GPC5: variants seen among roughly 807,000 people sequenced by gnomAD.
The protein encoded by GPC5 is glypican 5.
A neutral mutation model predicts 53.9 loss-of-function variants in GPC5; 47 were observed. The observed-to-expected ratio is 0.87, with a 90% confidence interval of 0.69 to 1.11. The LOEUF (loss-of-function observed/expected upper bound fraction) is 1.11. Among genes scored for constraint, GPC5 ranks in the 50% most tolerant of loss-of-function variants. The pLI is 0.00. For missense variants in GPC5, 748 were observed against 713.1 expected, an observed-to-expected ratio of 1.05 and a Z score of -0.56; for synonymous variants, 286 against 263.3, an observed-to-expected ratio of 1.09 and a Z score of -0.84.
Position 91,725,442 on chromosome 13 carries a change from T to A in GPC5, c.1021-3090T>A, listed in dbSNP as rs2036557096. Among the ~76,000 whole-genome samples, 3 of 152,158 alleles carry A rather than the reference T, an allele frequency of 2.0e-5. No individual in the cohort carries two copies. In the South Asian group the frequency reaches 6.2e-4, roughly 32 times the overall value. ...TTGGCTCACCTCTAGGGAGCTGAGG[T>A]GACAGGGTAGTGTCCTGATAACAGA... On this transcript the variant is annotated intron_variant, in intron 3 of 7. Coordinates refer to ENST00000377067, the MANE Select transcript of GPC5 (RefSeq NM_004466.6).
chr13:92,390,142 T>C (rs1002921451), intron 7 of GPC5, among the ~76,000 whole-genome samples: 1 of 152,144 alleles, frequency 6.6e-6, no homozygotes, highest in Admixed American at 6.6e-5. Flanking sequence ...ACAAGTCTAA[T>C]GTAATAGTTT....
chr13:91,675,461 T>C (rs1046100062), intron 2 of GPC5, among the ~76,000 whole-genome samples: 1 of 152,150 alleles, frequency 6.6e-6, no homozygotes, highest in Non-Finnish European at 1.5e-5. Context: ...ACCTCTTGTA[T>C]TGCATGCCTG....
At chr13:92,442,911 T>A (rs996654604) in intron 7 of GPC5, among the ~76,000 whole-genome samples, 7 of 152,180 alleles carry the variant, frequency 4.6e-5, no homozygotes, top group African/African-American at 1.7e-4. Context: ...AATAAATAGA[T>A]GTCCTGATCC....
intron 2 of GPC5, among the ~76,000 whole-genome samples, chr13:91,661,878 C>T (rs890629769): frequency 3.0e-4 from 45 of 152,196 alleles, no homozygotes; most frequent in African/African-American, 1.0e-3. Context: ...TTTTTAAGAA[C>T]GCTATTGTTA....
chr13:91,519,912 G>T (rs530014467), intron 2 of GPC5, among the ~76,000 whole-genome samples: 8 of 151,648 alleles, frequency 5.3e-5, no homozygotes, highest in African/African-American at 1.7e-4. Context: ...AGGAAAAAAA[G>T]AACTTATCAA....
chr13:92,133,098 A>G (rs188468508), intron 6 of GPC5, among the ~76,000 whole-genome samples: 1 of 152,276 alleles, frequency 6.6e-6, no homozygotes, highest in Non-Finnish European at 1.5e-5. Context: ...CCAGAATCGT[A>G]GTCAAATACC....
chr13:92,645,573 A>T (rs1246445211), intron 7 of GPC5, among the ~76,000 whole-genome samples: 1 of 152,176 alleles, frequency 6.6e-6, no homozygotes, highest in Non-Finnish European at 1.5e-5. Context: ...TCATACAATA[A>T]GTGCATGTAT....
intron 1 of GPC5, 143 bp downstream of exon 1, chr13:91,399,352 G>A (rs1876744719): frequency 9.9e-7 from 1 of 1,013,490 alleles, no homozygotes; most frequent in Admixed American, 2.8e-5. Flanking sequence ...GGCTTCCGGG[G>A]ATGCTTGGTG....
chr13:92,583,686 A>G (rs145908224), intron 7 of GPC5, among the ~76,000 whole-genome samples: 1 of 152,332 alleles, frequency 6.6e-6, no homozygotes, highest in African/African-American at 2.4e-5. Context: ...GCAAGAAGCT[A>G]TCCAGAAGAA....
intron 6 of GPC5, among the ~76,000 whole-genome samples, chr13:92,132,316 T>C (rs1291359126): frequency 7.9e-5 from 12 of 152,294 alleles, no homozygotes; most frequent in African/African-American, 2.9e-4. Context: ...ATGCACTTTT[T>C]AGTCTATAAC....
At chr13:92,397,718 A>G (rs915856290) in intron 7 of GPC5, among the ~76,000 whole-genome samples, 1 of 152,010 alleles carries the variant, frequency 6.6e-6, no homozygotes, top group Non-Finnish European at 1.5e-5. Context: ...TCTTGTAAGG[A>G]CAGAAGCGAC....
chr13:91,654,308 A>G (rs1371000046), intron 2 of GPC5, among the ~76,000 whole-genome samples: 1 of 152,230 alleles, frequency 6.6e-6, no homozygotes, highest in Admixed American at 6.5e-5. Context: ...ATATACTTGT[A>G]TGAAGACACT....
At chr13:92,334,206 G>C (rs2043306985) in intron 7 of GPC5, among the ~76,000 whole-genome samples, 1 of 152,178 alleles carries the variant, frequency 6.6e-6, no homozygotes. Flanking sequence ...CACATGGCTA[G>C]GGAGGCCTCT....
chr13:92,861,984 T>C (rs1879197748), intron 7 of GPC5, among the ~76,000 whole-genome samples: 1 of 152,200 alleles, frequency 6.6e-6, no homozygotes, highest in South Asian at 2.1e-4. Context: ...ATTTGAAAGT[T>C]CCAAGAAATG....
At chr13:91,661,352 G>A (rs963127802) in intron 2 of GPC5, among the ~76,000 whole-genome samples, 4 of 152,218 alleles carry the variant, frequency 2.6e-5, no homozygotes, top group Admixed American at 1.3e-4. Flanking sequence ...GTAACCCTGG[G>A]AATTTTCAGG....
Position 92,866,581 on chromosome 13 carries a change from T to C in GPC5, c.*142T>C. On this transcript the variant is annotated 3_prime_UTR_variant, in exon 8 of 8. Coordinates refer to ENST00000377067, the MANE Select transcript of GPC5 (RefSeq NM_004466.6). ...TACACTAACTTCTCAGAAGCCAAGC[T>C]GAAATATTCATAAAGTCCCTAAAAC... The C allele has an allele frequency of 1.6e-6, 1 of 633,342 alleles. No individual in the cohort carries two copies. 39.2% of individuals were successfully genotyped at this position (633,342 alleles called of 1,614,324 possible). A position where few individuals can be genotyped will look rare whatever the true frequency, so the allele number is the denominator to read the frequency against.
chr13:92,152,983 A>C (rs746108726), intron 7 of GPC5, among the ~76,000 whole-genome samples: 7 of 152,160 alleles, frequency 4.6e-5, no homozygotes, highest in Non-Finnish European at 1.0e-4. Context: ...CAGTATGTGC[A>C]TGCTTAAATA....
chr13:92,032,963 G>C (rs1445356407), intron 6 of GPC5, among the ~76,000 whole-genome samples: 1 of 151,576 alleles, frequency 6.6e-6, no homozygotes, highest in Non-Finnish European at 1.5e-5. Context: ...CCCAAATTAT[G>C]CTTAGCGCTA....
chr13:91,535,122 T>C (rs1886530252), intron 2 of GPC5, among the ~76,000 whole-genome samples: 2 of 152,182 alleles, frequency 1.3e-5, no homozygotes, highest in African/African-American at 4.8e-5. Flanking sequence ...TATCACATTC[T>C]CTCATATCCC....
Sources: allele counts gnomAD v4.1 joint callset (sites outside exome capture counted in the v4.1 genomes callset), GRCh38; gene constraint gnomAD v4.1.1; transcripts MANE v1.5; gene names NCBI Gene and HGNC (gene_info 2026-07-23, HGNC 2026-07-21).